The following SLCO1B1 variants were observed in gnomAD, a reference collection of about 807,000 sequenced individuals.
The protein encoded by SLCO1B1 is OATP-2.
A neutral mutation model predicts 70.1 loss-of-function variants in SLCO1B1; 81 were observed. That is an observed-to-expected ratio of 1.16 (90% CI 0.97 to 1.39). The LOEUF (loss-of-function observed/expected upper bound fraction) is 1.39. SLCO1B1 is among the 40% of genes most tolerant of loss of function. The pLI is 0.00. For synonymous variants in SLCO1B1, 283 were observed against 271.5 expected (o/e 1.04, Z -0.42); for missense variants, 895 against 799.6 (o/e 1.12, Z -1.44).
At chr12:21,138,997 A>G (rs1220516735) in intron 1 of SLCO1B1, among the ~76,000 whole-genome samples, 2 of 152,158 alleles carry the variant, frequency 1.3e-5, no homozygotes, top group African/African-American at 4.8e-5. Context: ...TATGATATGC[A>G]TAGGATAGAA....
chr12:21,142,217 G>C (rs896618296), intron 2 of SLCO1B1, among the ~76,000 whole-genome samples: 2 of 151,874 alleles, frequency 1.3e-5, no homozygotes, highest in Admixed American at 1.3e-4. Context: ...TTGCCAGCTG[G>C]TAAAAGTAAT....
chr12:21,171,567 A>G (rs1591807776), intron 2 of SLCO1B1, among the ~76,000 whole-genome samples: 1 of 152,202 alleles, frequency 6.6e-6, no homozygotes, highest in African/African-American at 2.4e-5. Context: ...AAGTAGAAAC[A>G]TGGCTCAGGA....
intron 2 of SLCO1B1, among the ~76,000 whole-genome samples, chr12:21,163,629 G>C (rs1281655762): frequency 6.6e-6 from 1 of 152,174 alleles, no homozygotes; most frequent in Non-Finnish European, 1.5e-5. Context: ...CAGGGTGCCA[G>C]TATGGTTAGC....
At chr12:21,221,258 A>G (rs948601136) in intron 12 of SLCO1B1, among the ~76,000 whole-genome samples, 1 of 152,160 alleles carries the variant, frequency 6.6e-6, no homozygotes, top group Non-Finnish European at 1.5e-5. Flanking sequence ...AAACAAGACA[A>G]GTGTGTCTAT....
At chr12:21,137,307 G>C (rs1386474267) in intron 1 of SLCO1B1, among the ~76,000 whole-genome samples, 4 of 152,302 alleles carry the variant, frequency 2.6e-5, no homozygotes, top group African/African-American at 9.6e-5. Flanking sequence ...CAGTCTGCCT[G>C]TTCTCAGATC....
At chr12:21,187,760 A>G (rs538162937) in intron 7 of SLCO1B1, among the ~76,000 whole-genome samples, 1 of 152,342 alleles carries the variant, frequency 6.6e-6, no homozygotes, top group South Asian at 2.1e-4. Flanking sequence ...CATAGGATTA[A>G]CAACATGGCC....
chr12:21,239,018 A>T lies in SLCO1B1; in HGVS notation c.1905A>T (p.Ser635=). 1 of 1,587,268 alleles carries T rather than the reference A, an allele frequency of 6.3e-7. No individual in the cohort carries two copies. Among genetic ancestry groups the T allele is most frequent in the Non-Finnish European group, 8.6e-7 (1 of 1,158,210 alleles). Residue 635 remains serine (S), a synonymous_variant, in exon 15 of 15, where the codon TCA becomes TCT. Coordinates refer to ENST00000256958, the MANE Select transcript of SLCO1B1 (RefSeq NM_006446.5). ...YLGLSSMLRV[S]SLVLYIILIY... The stretch of plus-strand genomic sequence containing the variant: ...GCTTGTCTTCAATGTTAAGAGTCTC[A>T]TCACTTGTTTTATATATTATATTAA...
At chr12:21,209,442 T>G (rs1941253469) in intron 11 of SLCO1B1, among the ~76,000 whole-genome samples, 2 of 152,350 alleles carry the variant, frequency 1.3e-5, no homozygotes, top group African/African-American at 2.4e-5. Flanking sequence ...CCACATTTTC[T>G]TAATCCAGTC....
At chr12:21,157,112 A>G (rs543952400) in intron 2 of SLCO1B1, among the ~76,000 whole-genome samples, 2 of 152,288 alleles carry the variant, frequency 1.3e-5, no homozygotes, top group African/African-American at 4.8e-5. Context: ...AGGAAACTAC[A>G]TTTCTGTGAA....
chr12:21,165,041 CA>C (rs1412339710), intron 2 of SLCO1B1, among the ~76,000 whole-genome samples: 1 of 152,094 alleles, frequency 6.6e-6, no homozygotes, highest in Non-Finnish European at 1.5e-5. Flanking sequence ...TACAGTTGCT[CA>C]ATGAATGTTT....
At chr12:21,152,533 C>CTTGTTTTTTTTTTTTTTTTTTTTT (rs1940485091) in intron 2 of SLCO1B1, among the ~76,000 whole-genome samples, 1 of 34,358 alleles carries the variant, frequency 2.9e-5, no homozygotes, top group Non-Finnish European at 5.2e-5. Flanking sequence ...AGAGGAGAGG[C>CTTGTTTTTTTTTTTTTTTTTTTTT]TTTTTTTTTT....
intron 1 of SLCO1B1, among the ~76,000 whole-genome samples, chr12:21,135,099 G>A (rs1940199062): frequency 6.6e-6 from 1 of 152,134 alleles, no homozygotes; most frequent in Non-Finnish European, 1.5e-5. Context: ...GTACCCAGTA[G>A]TCATTCAGTA....
chr12:21,222,489 G>A (rs1404245445), intron 13 of SLCO1B1, 125 bp downstream of exon 13: 4 of 223,506 alleles, frequency 1.8e-5, no homozygotes, highest in African/African-American at 1.0e-4. Context: ...ATTAAAGACT[G>A]TAATGAATCT....
At chr12:21,150,156 T>C (rs1940450741) in intron 2 of SLCO1B1, among the ~76,000 whole-genome samples, 1 of 152,142 alleles carries the variant, frequency 6.6e-6, no homozygotes, top group Non-Finnish European at 1.5e-5. Context: ...TCCTCCTCTC[T>C]GGGCAGGGCA....
At chr12:21,177,057 C>G (rs11045820) in intron 5 of SLCO1B1, among the ~76,000 whole-genome samples, 160 bp downstream of exon 5, 34 of 152,180 alleles carry the variant, frequency 2.2e-4, no homozygotes, top group Middle Eastern at 3.4e-3. Flanking sequence ...ATACACAGTT[C>G]GCCCATTAAC....
At position 21,210,192 on chromosome 12, in the gene SLCO1B1, G is replaced by A. The variant is rs370215837; in HGVS notation, c.1497+4159G>A. 6.4e-5 allele frequency among the ~76,000 whole-genome samples: 9 copies of A among 141,054 alleles called. 1 individual carries two copies. Among genetic ancestry groups the A allele is most frequent in the Admixed American group, 2.9e-4 (4 of 14,010 alleles). 92.5% of individuals were successfully genotyped at this position (141,054 alleles called of 152,430 possible). On this transcript the variant is annotated intron_variant, in intron 11 of 14. Transcript: ENST00000256958. The stretch of plus-strand genomic sequence containing the variant: ...TTCTTCTAGGGTTTTTATGGTTTTA[G>A]GTCTAACGTTTAAGTCTTTAATCCA...
chr12:21,132,412 C>T (rs1486143132), intron 1 of SLCO1B1, among the ~76,000 whole-genome samples: 2 of 152,310 alleles, frequency 1.3e-5, no homozygotes, highest in South Asian at 4.1e-4. Flanking sequence ...AATCGCCACA[C>T]TGTCTTCCAC....
At chr12:21,226,383 C>T (rs7966269) in intron 14 of SLCO1B1, among the ~76,000 whole-genome samples, 51,423 of 151,050 alleles carry the variant, frequency 0.34, 9,078 homozygotes, top group East Asian at 0.45. Context: ...CACTGCTCTC[C>T]GGCCTGGCTG....
At chr12:21,224,891 C>T in intron 14 of SLCO1B1, 52 bp downstream of exon 14, 2 of 910,722 alleles carry the variant, frequency 2.2e-6, no homozygotes, top group Middle Eastern at 3.2e-4. Context: ...ATATTAATTC[C>T]TAAAAAATAT....
Sources: allele counts gnomAD v4.1 joint callset (sites outside exome capture counted in the v4.1 genomes callset), GRCh38; gene constraint gnomAD v4.1.1; transcripts MANE v1.5; gene names NCBI Gene and HGNC (gene_info 2026-07-23, HGNC 2026-07-21).